Variants in NUAK1 observed in about 807,000 individuals in gnomAD.
The protein encoded by NUAK1 is NUAK family SNF1-like kinase 1.
Under a neutral mutation model 56.9 loss-of-function variants are expected in NUAK1, and 26 were observed. The ratio of observed to expected loss-of-function variants is 0.46; its 90% CI spans 0.33 to 0.63. The LOEUF (loss-of-function observed/expected upper bound fraction) is 0.63. Among genes scored for constraint, NUAK1 ranks in the 30% least tolerant of loss-of-function variants. NUAK1 has a pLI of 0.02. For missense variants in NUAK1, 727 were observed against 876.1 expected (o/e 0.83, Z 2.15); for synonymous variants, 337 against 336.0 (o/e 1.00, Z -0.03).
intron 3 of NUAK1, among the ~76,000 whole-genome samples, chr12:106,086,199 T>C (rs1226280053): frequency 6.6e-6 from 1 of 152,138 alleles, no homozygotes; most frequent in East Asian, 1.9e-4. Flanking sequence ...TTAGAAACAG[T>C]CTCAATGTCC....
intron 1 of NUAK1, among the ~76,000 whole-genome samples, chr12:106,113,215 C>T (rs1234000499): frequency 1.3e-5 from 2 of 151,882 alleles, no homozygotes; most frequent in Non-Finnish European, 2.9e-5. Flanking sequence ...GACTAAGAAA[C>T]CGTGGGCAGA....
In NUAK1 at chr12:106,066,596, C is replaced by A; in HGVS notation, c.*206G>T. 1.7e-6 allele frequency: 1 copy of A among 599,850 alleles called. No homozygotes were observed. The highest frequency in any genetic ancestry group is 2.8e-5 in the East Asian group (1 of 35,996). 37.2% of individuals were successfully genotyped at this position (599,850 alleles called of 1,614,324 possible). A position where few individuals can be genotyped will look rare whatever the true frequency, so the allele number is the denominator to read the frequency against. On this transcript the variant is annotated 3_prime_UTR_variant, in exon 7 of 7. Coordinates refer to ENST00000261402, the MANE Select transcript of NUAK1 (RefSeq NM_014840.3). The stretch of plus-strand genomic sequence containing the variant: ...GCAAATGCCAAACAGGGCCCAAATT[C>A]TGACTGACAATTGACAGAACTGGCA...
intron 1 of NUAK1, among the ~76,000 whole-genome samples, chr12:106,111,313 C>G (rs1330835540): frequency 6.6e-6 from 1 of 152,146 alleles, no homozygotes; most frequent in African/African-American, 2.4e-5. Flanking sequence ...ATCCTCCCCT[C>G]CCCACATTTG....
intron 5 of NUAK1, among the ~76,000 whole-genome samples, chr12:106,071,778 T>G (rs2032408774): frequency 6.6e-6 from 1 of 152,232 alleles, no homozygotes; most frequent in East Asian, 1.9e-4. Flanking sequence ...TTGAGTTCTA[T>G]GCTCCTCCCT....
intron 2 of NUAK1, among the ~76,000 whole-genome samples, chr12:106,090,886 G>A (rs972963501): frequency 2.0e-5 from 3 of 152,150 alleles, no homozygotes; most frequent in African/African-American, 7.2e-5. Flanking sequence ...CAGGATTTTC[G>A]AGCAGGAAAG....
At position 106,083,945 on chromosome 12, in the gene NUAK1, A is replaced by G. The variant is rs1418820731; in HGVS notation, c.514-16T>C. 2 of 1,612,004 alleles carry G rather than the reference A, an allele frequency of 1.2e-6. No individual in the cohort carries two copies. Among genetic ancestry groups the G allele is most frequent in the African/African-American group, 1.3e-5 (1 of 74,898 alleles). The stretch of plus-strand genomic sequence containing the variant: ...CCACACCGTTCTGAAATGAGAAGAC[A>G]AAGAGGGAATTGAATGGGAGCGGCT... On this transcript the variant is annotated splice_polypyrimidine_tract_variant and intron_variant, in intron 3 of 6. Transcript: ENST00000261402.
At chr12:106,071,506 T>C (rs1438099340) in intron 5 of NUAK1, among the ~76,000 whole-genome samples, 1 of 152,182 alleles carries the variant, frequency 6.6e-6, no homozygotes, top group Non-Finnish European at 1.5e-5. Context: ...CCTTAGCTAA[T>C]TGCTGCCATG....
intron 4 of NUAK1, among the ~76,000 whole-genome samples, chr12:106,075,162 T>C (rs898253888): frequency 6.6e-6 from 1 of 152,180 alleles, no homozygotes; most frequent in Non-Finnish European, 1.5e-5. Flanking sequence ...GGCCCACTCC[T>C]ATCCTCACAG....
chr12:106,125,401 T>C (rs557703857), intron 1 of NUAK1, among the ~76,000 whole-genome samples: 2 of 152,318 alleles, frequency 1.3e-5, no homozygotes, highest in East Asian at 3.9e-4. Context: ...GTGGTTGTAA[T>C]CATGAACCCT....
At chr12:106,124,575 C>G (rs2033007845) in intron 1 of NUAK1, among the ~76,000 whole-genome samples, 1 of 152,122 alleles carries the variant, frequency 6.6e-6, no homozygotes, top group African/African-American at 2.4e-5. Flanking sequence ...TGGGGCAAGA[C>G]ATGAAGATTC....
At chr12:106,081,833 T>A (rs2032520632) in intron 4 of NUAK1, among the ~76,000 whole-genome samples, 1 of 152,158 alleles carries the variant, frequency 6.6e-6, no homozygotes, top group Non-Finnish European at 1.5e-5. Context: ...CTTGTAAAGA[T>A]GACATTTAGT....
chr12:106,091,571 G>A (rs569956612), intron 2 of NUAK1, among the ~76,000 whole-genome samples: 6 of 152,290 alleles, frequency 3.9e-5, no homozygotes, highest in Non-Finnish European at 8.8e-5. Context: ...GGGACTAGGA[G>A]GAGAGAAAGA....
At chr12:106,119,270 T>G (rs566558427) in intron 1 of NUAK1, among the ~76,000 whole-genome samples, 4 of 152,150 alleles carry the variant, frequency 2.6e-5, no homozygotes, top group African/African-American at 9.7e-5. Flanking sequence ...AAAATACACT[T>G]GACCTTGAGT....
intron 1 of NUAK1, among the ~76,000 whole-genome samples, chr12:106,118,730 T>C (rs1370366419): frequency 6.6e-6 from 1 of 152,350 alleles, no homozygotes; most frequent in East Asian, 1.9e-4. Context: ...ATTCCCCAGA[T>C]GTTCTCCATG....
intron 1 of NUAK1, among the ~76,000 whole-genome samples, chr12:106,127,839 G>A (rs545811966): frequency 7.2e-5 from 11 of 152,168 alleles, no homozygotes; most frequent in South Asian, 2.1e-4. Flanking sequence ...AAGTGTGCTC[G>A]ACACAGCAGC....
chr12:106,090,470 A>G (rs1464522287), intron 2 of NUAK1, among the ~76,000 whole-genome samples: 1 of 152,186 alleles, frequency 6.6e-6, no homozygotes, highest in East Asian at 1.9e-4. Context: ...ATTCTGCATG[A>G]ATTACATCAT....
intron 2 of NUAK1, among the ~76,000 whole-genome samples, chr12:106,092,652 C>T (rs1323638996): frequency 6.6e-6 from 1 of 152,150 alleles, no homozygotes; most frequent in Admixed American, 6.5e-5. Flanking sequence ...TTTATTTATC[C>T]ATTCTACTGT....
At chr12:106,074,176 G>A (rs1311769257) in intron 4 of NUAK1, among the ~76,000 whole-genome samples, 2 of 151,950 alleles carry the variant, frequency 1.3e-5, no homozygotes, top group African/African-American at 4.8e-5. Context: ...CCACACCCAA[G>A]AAACACTTGT....
chr12:106,094,947 G>A (rs968949311), intron 2 of NUAK1, among the ~76,000 whole-genome samples: 4 of 152,100 alleles, frequency 2.6e-5, no homozygotes, highest in Non-Finnish European at 4.4e-5. Flanking sequence ...CACACTGGAC[G>A]AGCCACTGGA....
Sources: allele counts gnomAD v4.1 joint callset (sites outside exome capture counted in the v4.1 genomes callset), GRCh38; gene constraint gnomAD v4.1.1; transcripts MANE v1.5; gene names NCBI Gene and HGNC (gene_info 2026-07-23, HGNC 2026-07-21).